The following CLYBL variants were observed in gnomAD, a reference collection of about 807,000 sequenced individuals.
CLYBL encodes the protein citramalyl-CoA lyase, also known as citramalyl-CoA lyase, mitochondrial.
Under a neutral mutation model 38.9 loss-of-function variants are expected in CLYBL, and 31 were observed. That is an observed-to-expected ratio of 0.80 (90% CI 0.60 to 1.08). The LOEUF is 1.08. CLYBL is among the 50% of genes least tolerant of loss of function. CLYBL has a pLI of 0.00. For missense variants in CLYBL, 434 were observed against 411.6 expected (o/e 1.05, Z -0.47); for synonymous variants, 171 against 158.6 (o/e 1.08, Z -0.59).
At chr13:99,679,998 T>C (rs992314614) in intron 1 of CLYBL, among the ~76,000 whole-genome samples, 1 of 152,212 alleles carries the variant, frequency 6.6e-6, no homozygotes, top group African/African-American at 2.4e-5. Flanking sequence ...CAATAGTTAA[T>C]ATAAACATTT....
Position 99,821,186 on chromosome 13 carries a change from T to C in CLYBL, c.250-37675T>C, listed in dbSNP as rs546266138. 2.0e-5 allele frequency among the ~76,000 whole-genome samples: 3 copies of C among 152,310 alleles called. No individual in the cohort carries two copies. In the East Asian group the frequency reaches 5.8e-4, roughly 29 times the overall value. On this transcript the variant is annotated intron_variant, in intron 2 of 8. Transcript: ENST00000339105. The stretch of plus-strand genomic sequence containing the variant: ...ACAGTAATCTTGGTCCTATTCCTAA[T>C]AATGGAATACAGGCTCCCACTATCC...
At chr13:99,613,888 A>G (rs892492084) in intron 1 of CLYBL, among the ~76,000 whole-genome samples, 1 of 152,178 alleles carries the variant, frequency 6.6e-6, no homozygotes, top group Non-Finnish European at 1.5e-5. Flanking sequence ...AACAAAAATG[A>G]TATTTTGGAT....
At chr13:99,817,599 G>C (rs1238209520) in intron 2 of CLYBL, among the ~76,000 whole-genome samples, 1 of 146,668 alleles carries the variant, frequency 6.8e-6, no homozygotes, top group Admixed American at 6.9e-5. Context: ...AGCTTGCAGT[G>C]AGCAGAGACG....
chr13:99,872,275 T>G (rs2051924355), intron 7 of CLYBL, among the ~76,000 whole-genome samples: 1 of 152,220 alleles, frequency 6.6e-6, no homozygotes, highest in African/African-American at 2.4e-5. Flanking sequence ...ATACCCAATT[T>G]GGACTTACAC....
chr13:99,722,066 G>T (rs966798730), intron 1 of CLYBL, among the ~76,000 whole-genome samples: 10 of 152,234 alleles, frequency 6.6e-5, no homozygotes, highest in Non-Finnish European at 1.2e-4. Flanking sequence ...TCCTGATTCA[G>T]ATGATTCATA....
chr13:99,874,508 AT>A (rs1347858428), intron 7 of CLYBL, among the ~76,000 whole-genome samples: 1 of 152,104 alleles, frequency 6.6e-6, no homozygotes, highest in Non-Finnish European at 1.5e-5. Flanking sequence ...TGAATTTAAT[AT>A]GCTTATTAAA....
chr13:99,678,091 C>T (rs918792908), intron 1 of CLYBL, among the ~76,000 whole-genome samples: 5 of 152,158 alleles, frequency 3.3e-5, no homozygotes, highest in African/African-American at 1.2e-4. Context: ...ATAGCCATGC[C>T]AGCCTTATGA....
intron 1 of CLYBL, among the ~76,000 whole-genome samples, chr13:99,752,466 T>C (rs1326322714): frequency 6.6e-6 from 1 of 152,106 alleles, no homozygotes; most frequent in African/African-American, 2.4e-5. Context: ...GGCTGATTTT[T>C]GCAGAAAAGG....
At chr13:99,908,817 C>A (rs1294793392) in exon 10 of CLYBL, among the ~76,000 whole-genome samples, 1 of 152,128 alleles carries the variant, frequency 6.6e-6, no homozygotes, top group East Asian at 1.9e-4. Flanking sequence ...TAGCATGGTG[C>A]CTGCCCCTAA....
chr13:99,901,860 A>G (rs1003822491), downstream of CLYBL, among the ~76,000 whole-genome samples: 2 of 151,978 alleles, frequency 1.3e-5, no homozygotes, highest in African/African-American at 4.8e-5. Flanking sequence ...GGGTTTCATC[A>G]TGTTGGCCAG....
At chr13:99,621,357 G>C (rs1166064931) in intron 1 of CLYBL, among the ~76,000 whole-genome samples, 1 of 152,018 alleles carries the variant, frequency 6.6e-6, no homozygotes, top group Non-Finnish European at 1.5e-5. Flanking sequence ...CCACACTCTC[G>C]AGTCATCAGT....
At chr13:99,781,230 G>A (rs575490854) in intron 2 of CLYBL, among the ~76,000 whole-genome samples, 1 of 151,430 alleles carries the variant, frequency 6.6e-6, no homozygotes, top group African/African-American at 2.4e-5. Context: ...GAGTGCAGTG[G>A]TGCGATCTTG....
chr13:99,811,534 G>T (rs1353417437), intron 2 of CLYBL, among the ~76,000 whole-genome samples: 1 of 152,212 alleles, frequency 6.6e-6, no homozygotes, highest in East Asian at 1.9e-4. Flanking sequence ...CTGATGAGAA[G>T]GAGGAAGCTG....
chr13:99,670,153 C>T (rs573076925), intron 1 of CLYBL, among the ~76,000 whole-genome samples: 30 of 152,000 alleles, frequency 2.0e-4, no homozygotes, highest in South Asian at 1.2e-3. Context: ...GAGCTAAGAT[C>T]GTGCCACTGC....
intron 1 of CLYBL, among the ~76,000 whole-genome samples, chr13:99,724,403 C>T (rs540100029): frequency 6.6e-6 from 1 of 152,074 alleles, no homozygotes; most frequent in African/African-American, 2.4e-5. Flanking sequence ...AATCAACAAA[C>T]ACTTTGAGGA....
chr13:99,901,647 T>G (rs1418852977), downstream of CLYBL, among the ~76,000 whole-genome samples: 19 of 120,674 alleles, frequency 1.6e-4, 1 homozygote, highest in East Asian at 3.2e-3. Context: ...ATTTTTTTGT[T>G]TTTTTTTTTT....
At chr13:99,658,385 C>A (rs1037290577) in intron 1 of CLYBL, among the ~76,000 whole-genome samples, 8 of 152,248 alleles carry the variant, frequency 5.3e-5, no homozygotes, top group African/African-American at 1.7e-4. Flanking sequence ...TCCAGGCTCC[C>A]AGAAAGTTTC....
chr13:99,754,630 G>C (rs1300309443), intron 1 of CLYBL, among the ~76,000 whole-genome samples: 5 of 151,388 alleles, frequency 3.3e-5, no homozygotes, highest in Non-Finnish European at 7.4e-5. Flanking sequence ...TGTAGCCCAG[G>C]CTGGAGTGCA....
Position 99,831,589 on chromosome 13 carries a change from T to G in CLYBL, c.250-27272T>G, listed in dbSNP as rs565112773. Among the ~76,000 whole-genome samples the G allele has an allele frequency of 3.0e-3, 460 of 152,126 alleles. 2 individuals are homozygous for G. The highest frequency in any genetic ancestry group is 0.011 in the African/African-American group (443 of 41,514). On this transcript the variant is annotated intron_variant, in intron 2 of 8. Coordinates refer to ENST00000339105, the MANE Select transcript of CLYBL (RefSeq NM_206808.5). Reference sequence around the variant, plus strand: ...TGAACAAATAAATAAATAAATAAAATAACTCTATCTTAAAACACATTAACA... The same window carrying G: ...TGAACAAATAAATAAATAAATAAAAGAACTCTATCTTAAAACACATTAACA...
Sources: allele counts gnomAD v4.1 joint callset (sites outside exome capture counted in the v4.1 genomes callset), GRCh38; gene constraint gnomAD v4.1.1; transcripts MANE v1.5; gene names NCBI Gene and HGNC (gene_info 2026-07-23, HGNC 2026-07-21).